Variants in FZD5 observed in about 807,000 individuals in gnomAD.
The protein encoded by FZD5 is frizzled class receptor 5.
Under a neutral mutation model 40.8 loss-of-function variants are expected in FZD5, and 12 were observed. That is an observed-to-expected ratio of 0.29 (90% confidence interval 0.19 to 0.48). FZD5 has a LOEUF of 0.48. Among genes scored for constraint, FZD5 ranks in the 20% least tolerant of loss-of-function variants. The pLI, the probability that FZD5 is intolerant of heterozygous loss-of-function variation, is 0.99. For synonymous variants in FZD5, 380 were observed against 383.7 expected (o/e 0.99, Z 0.11); for missense variants, 622 against 832.8 (o/e 0.75, Z 3.12).
At position 207,766,246 on chromosome 2, in the gene FZD5, A is replaced by C. The variant is rs1484035192; in HGVS notation, c.*736T>G. 1 of 152,160 alleles carries C rather than the reference A, an allele frequency of 6.6e-6. No homozygotes were observed. The highest frequency in any genetic ancestry group is 1.5e-5 in the Non-Finnish European group (1 of 68,028). The allele number at this position is 152,160 out of a possible 1,614,324, so 9.4% of individuals were successfully genotyped here. A position where few individuals can be genotyped will look rare whatever the true frequency, so the allele number is the denominator to read the frequency against. On this transcript the variant is annotated 3_prime_UTR_variant, in exon 2 of 2. Transcript: ENST00000295417. The stretch of plus-strand genomic sequence containing the variant: ...CCAGATCCTCTATAATGCTACCTCT[A>C]ACTTATTCAAGACACAACGATGGTG...
Position 207,766,783 on chromosome 2 carries a change from AG to A in FZD5, c.*198del. ...AAGAAGGCAGTAAGAAACGCAAAAT[AG>A]AATACACGTGAGCTGGGCCCCTTGG... On this transcript the variant is annotated 3_prime_UTR_variant, in exon 2 of 2. Transcript: ENST00000295417. 2.3e-6 allele frequency: 1 copy of A among 431,664 alleles called. No homozygotes were observed. Among genetic ancestry groups the A allele is most frequent in the East Asian group, 3.4e-5 (1 of 29,432 alleles). The allele number at this position is 431,664 out of a possible 1,614,324, so 26.7% of individuals were successfully genotyped here.
In FZD5 at chr2:207,766,952, T is replaced by A. The variant is rs973411336; in HGVS notation, c.*30A>T. The stretch of plus-strand genomic sequence containing the variant: ...AACAAAACGCCCCCCTCCCCTCAGC[T>A]CTCCGGCCGAGTCCCTCGGCGGCAG... On this transcript the variant is annotated 3_prime_UTR_variant, in exon 2 of 2. Coordinates refer to ENST00000295417, the MANE Select transcript of FZD5 (RefSeq NM_003468.4). 1 of 1,431,528 alleles carries A rather than the reference T, an allele frequency of 7.0e-7. No homozygotes were observed. Among genetic ancestry groups the A allele is most frequent in the Non-Finnish European group, 9.2e-7 (1 of 1,092,182 alleles). 88.7% of individuals were successfully genotyped at this position (1,431,528 alleles called of 1,614,324 possible).
rs763828248 is a variant in FZD5, at chr2:207,768,630, G to A, written c.110C>T (p.Thr37Met). The A allele has an allele frequency of 2.5e-6, 4 of 1,613,648 alleles. No individual in the cohort carries two copies. The South Asian group carries it at 3.3e-5, about 13-fold the overall frequency. ...GCCGATGCCGCGGCACATGGGCACC[G>A]TGATTTCCTGGCACACCGGGGCCTT... The part of the protein sequence containing the change: ...ASKAPVCQEI[T>M]VPMCRGIGYN... Residue 37 changes from threonine to methionine, a missense_variant, in exon 2 of 2, where the codon ACG becomes ATG. By Grantham distance (81) the Thr-to-Met change is moderately conservative. Coordinates refer to ENST00000295417, the MANE Select transcript of FZD5 (RefSeq NM_003468.4).
rs978603576 is a variant in FZD5 at position 207,763,631 on chromosome 2, G to A, written c.*3351C>T. On this transcript the variant is annotated 3_prime_UTR_variant, in exon 2 of 2. Transcript: ENST00000295417. ...CTACCCCCCTTGGGCTTTCTGTAGA[G>A]CACAAAAGTGAAAGAAGCTTCTTTG... is the stretch of plus-strand genomic sequence containing the variant. 5.2e-5 allele frequency: 8 copies of A among 152,750 alleles called. No homozygotes were observed. Among genetic ancestry groups the A allele is most frequent in the Non-Finnish European group, 2.9e-5 (2 of 68,128 alleles). 9.5% of individuals were successfully genotyped at this position (152,750 alleles called of 1,614,324 possible).
Position 207,767,301 on chromosome 2 carries a change from G to A in FZD5, c.1439C>T (p.Ala480Val). 1 of 1,611,088 alleles carries A rather than the reference G, an allele frequency of 6.2e-7. No individual in the cohort carries two copies. Among genetic ancestry groups the A allele is most frequent in the Non-Finnish European group, 8.5e-7 (1 of 1,179,290 alleles). ...YEQHYRESWE[A>V]ALTCACPGHD... ...GCCCGGGCAGGCGCAGGTGAGCGCC[G>A]CCTCCCAGCTCTCGCGGTAGTGCTG... The change falls in exon 2 of 2, where the codon GCG (alanine) becomes GTG (valine). Residue 480 changes from alanine to valine, a missense_variant. Ala to Val is a moderately conservative substitution (Grantham distance 64). Coordinates refer to ENST00000295417, the MANE Select transcript of FZD5 (RefSeq NM_003468.4).
In FZD5 at chr2:207,764,494, G is replaced by C. The variant is rs1424981938; in HGVS notation, c.*2488C>G. The C allele has an allele frequency of 1.3e-5, 2 of 152,184 alleles. No individual in the cohort carries two copies. The highest frequency in any genetic ancestry group is 2.4e-5 in the African/African-American group (1 of 41,434). The allele number at this position is 152,184 out of a possible 1,614,324, so 9.4% of individuals were successfully genotyped here. ...GATGAGGGAAGAGAGGGACAGCAGA[G>C]GTGAGAACAGAGACAAAGAAGTGCT... On this transcript the variant is annotated 3_prime_UTR_variant, in exon 2 of 2. Transcript: ENST00000295417.
rs1275928664 is a variant in FZD5 at position 207,768,066 on chromosome 2, G to T, written c.674C>A (p.Pro225Gln). The T allele has an allele frequency of 3.1e-6, 5 of 1,613,052 alleles. No homozygotes were observed. Among genetic ancestry groups the T allele is most frequent in the Non-Finnish European group, 8.5e-7 (1 of 1,179,620 alleles). The change falls in exon 2 of 2, where the codon CCG (proline) becomes CAG (glutamine). Residue 225 changes from proline (P) to glutamine (Q), a missense_variant. Pro to Gln is a moderately conservative substitution (Grantham distance 76). This residue lies in a region of FZD5 where 116 missense variants were observed against 117.7 expected (regional missense o/e 0.99). Coordinates refer to ENST00000295417, the MANE Select transcript of FZD5 (RefSeq NM_003468.4). ...CGTGCGCTCGTCGGCACTGAAGGACGGCTGGTAGCAGGGTACCGCGCAGTT... is the reference window on the plus strand; with the variant it reads ...CGTGCGCTCGTCGGCACTGAAGGACTGCTGGTAGCAGGGTACCGCGCAGTT... ...VPNCAVPCYQ[P>Q]SFSADERTFA... is the part of the protein sequence containing the mutation.
chr2:207,768,155 G>T lies in FZD5; in HGVS notation c.585C>A (p.Pro195=). Residue 195 remains proline (P), a synonymous_variant, in exon 2 of 2, where the codon CCC becomes CCA. Transcript: ENST00000295417. ...GTGACTCCTTCAGAATGGGCACGAA[G>T]GGCTCGCGACACTTGCACACGAACG... ...GGPFVCKCRE[P]FVPILKESHP... 1 of 1,609,432 alleles carries T rather than the reference G, an allele frequency of 6.2e-7. No individual in the cohort carries two copies. Among genetic ancestry groups the T allele is most frequent in the South Asian group, 1.1e-5 (1 of 90,942 alleles).
In FZD5 at chr2:207,768,912, G is replaced by A. The variant is rs960619267; in HGVS notation, c.-173C>T. ...CAAAGATAAACTGCTTCGGGAAGGCGCTGCCTCCGCTGGCAGCGCTCCGCT... is the reference window on the plus strand; with the variant it reads ...CAAAGATAAACTGCTTCGGGAAGGCACTGCCTCCGCTGGCAGCGCTCCGCT... On this transcript the variant is annotated 5_prime_UTR_variant, in exon 2 of 2. Transcript: ENST00000295417. The A allele has an allele frequency of 3.4e-5, 21 of 609,508 alleles. No individual in the cohort carries two copies. In the African/African-American group the frequency reaches 3.9e-4, roughly 11 times the overall value. 37.8% of individuals were successfully genotyped at this position (609,508 alleles called of 1,614,324 possible).
At position 207,767,360 on chromosome 2, in the gene FZD5, G is replaced by C. The variant is rs752911456; in HGVS notation, c.1380C>G (p.Pro460=). The C allele has an allele frequency of 1.2e-6, 2 of 1,612,368 alleles. No homozygotes were observed. Among genetic ancestry groups the C allele is most frequent in the Admixed American group, 3.3e-5 (2 of 60,006 alleles). Residue 460 remains proline, a synonymous_variant, in exon 2 of 2, where the codon CCC becomes CCG. Coordinates refer to ENST00000295417, the MANE Select transcript of FZD5 (RefSeq NM_003468.4). ...GGTAGCAGGCCACCACAATGCTGGCGGGGACCGTGTAGAGCAGCGTGAAGA... is the reference window on the plus strand; with the variant it reads ...GGTAGCAGGCCACCACAATGCTGGCCGGGACCGTGTAGAGCAGCGTGAAGA... ...IGIFTLLYTV[P]ASIVVACYLY...
chr2:207,764,535 G>T lies in FZD5; in HGVS notation c.*2447C>A, dbSNP rs1057350850. 4.6e-5 allele frequency: 7 copies of T among 152,176 alleles called. No individual in the cohort carries two copies. The highest frequency in any genetic ancestry group is 1.7e-4 in the African/African-American group (7 of 41,438). The allele number at this position is 152,176 out of a possible 1,614,324, so 9.4% of individuals were successfully genotyped here. ...AAGAAGTGCTTCTGAAAGTTGGTCT[G>T]GAATTAGACCCCAAAGATCCTGACT... is the stretch of plus-strand genomic sequence containing the variant. On this transcript the variant is annotated 3_prime_UTR_variant, in exon 2 of 2. Coordinates refer to ENST00000295417, the MANE Select transcript of FZD5 (RefSeq NM_003468.4).
rs895574798 is a variant in FZD5, at chr2:207,763,693, T to C, written c.*3289A>G. On this transcript the variant is annotated 3_prime_UTR_variant, in exon 2 of 2. Transcript: ENST00000295417. ...AGTTCATTAAAATATACAACTACATTTCCTAGCTCTGGGGTTCCCATTCTG... is the reference window on the plus strand; with the variant it reads ...AGTTCATTAAAATATACAACTACATCTCCTAGCTCTGGGGTTCCCATTCTG... 2.6e-5 allele frequency: 4 copies of C among 152,670 alleles called. No individual in the cohort carries two copies. The highest frequency in any genetic ancestry group is 9.7e-5 in the African/African-American group (4 of 41,448). 9.5% of individuals were successfully genotyped at this position (152,670 alleles called of 1,614,324 possible). A position where few individuals can be genotyped will look rare whatever the true frequency, so the allele number is the denominator to read the frequency against.
Position 207,768,790 on chromosome 2 carries a change from C to G in FZD5, c.-51G>C. 1 of 1,386,038 alleles carries G rather than the reference C, an allele frequency of 7.2e-7. No individual in the cohort carries two copies. The highest frequency in any genetic ancestry group is 9.7e-7 in the Non-Finnish European group (1 of 1,034,774). The allele number at this position is 1,386,038 out of a possible 1,614,324, so 85.9% of individuals were successfully genotyped here. On this transcript the variant is annotated 5_prime_UTR_variant, in exon 2 of 2. Transcript: ENST00000295417. ...GCAGCCCGCGAGGGACGCACACAGG[C>G]AGAGGAATCCGGGCCGGGGCTTCTC...
rs2091969491 is a variant in FZD5, at chr2:207,764,403, CT to C, written c.*2578del. ...TGTAAGTAGATCCAGTTTCTCTCCC[CT>C]GGGGTGGCTGATCTCAGTAAGACTT... is the stretch of plus-strand genomic sequence containing the variant. On this transcript the variant is annotated 3_prime_UTR_variant, in exon 2 of 2. Transcript: ENST00000295417. 6.6e-6 allele frequency: 1 copy of C among 152,188 alleles called. No individual in the cohort carries two copies. The highest frequency in any genetic ancestry group is 2.4e-5 in the African/African-American group (1 of 41,424). The allele number at this position is 152,188 out of a possible 1,614,324, so 9.4% of individuals were successfully genotyped here.
Position 207,768,312 on chromosome 2 carries a change from G to A in FZD5, c.428C>T (p.Ala143Val), listed in dbSNP as rs2091992176. The A allele has an allele frequency of 1.9e-6, 3 of 1,542,470 alleles. No individual in the cohort carries two copies. In the Admixed American group the frequency reaches 5.9e-5, roughly 31 times the overall value. ...CDRLPVLGRD[A>V]EVLCMDYNRS... ...GTTGTAATCCATGCAGAGGACCTCG[G>A]CGTCGCGGCCCAGCACCGGGAGGCG... Residue 143 changes from alanine (A) to valine (V), a missense_variant, in exon 2 of 2, where the codon GCC becomes GTC. Physicochemically the swap from Ala to Val is moderately conservative, Grantham distance 64 (BLOSUM62 0). Coordinates refer to ENST00000295417, the MANE Select transcript of FZD5 (RefSeq NM_003468.4).
Position 207,768,506 on chromosome 2 carries a change from G to A in FZD5, c.234C>T (p.Cys78=), listed in dbSNP as rs1457229833. Residue 78 remains cysteine (C), a synonymous_variant, in exon 2 of 2, where the codon TGC becomes TGT. Transcript: ENST00000295417. ...ATAGGAAGAAGCGCAGGTCCGGCGA[G>A]CATTGGATCTCCACCAGCGGCCAGA... is the stretch of plus-strand genomic sequence containing the variant. ...HQFWPLVEIQ[C]SPDLRFFLCS... The A allele has an allele frequency of 8.7e-6, 14 of 1,613,882 alleles. No homozygotes were observed. Among genetic ancestry groups the A allele is most frequent in the African/African-American group, 1.3e-5 (1 of 74,926 alleles).
chr2:207,767,183 G>A lies in FZD5; in HGVS notation c.1557C>T (p.Val519=). The A allele has an allele frequency of 6.3e-7, 1 of 1,599,240 alleles. No homozygotes were observed. Among genetic ancestry groups the A allele is most frequent in the Non-Finnish European group, 8.5e-7 (1 of 1,173,774 alleles). ...MCLVVGITSG[V]WIWSGKTVES... ...CCACCGTCTTGCCCGACCAGATCCA[G>A]ACGCCCGACGTGATGCCCACCACCA... is the stretch of plus-strand genomic sequence containing the variant. Residue 519 remains valine, a synonymous_variant, in exon 2 of 2, where the codon GTC becomes GTT. Coordinates refer to ENST00000295417, the MANE Select transcript of FZD5 (RefSeq NM_003468.4).
chr2:207,768,246 G>A lies in FZD5; in HGVS notation c.494C>T (p.Ala165Val). 1.9e-6 allele frequency: 3 copies of A among 1,553,824 alleles called. No homozygotes were observed. The highest frequency in any genetic ancestry group is 2.6e-6 in the Non-Finnish European group (3 of 1,155,346). ...TGGCGGGCCTGGAAGGGTGGGCTTGGCTGGGAAAGGCCTGGGGGGCGCCGT... is the reference window on the plus strand; with the variant it reads ...TGGCGGGCCTGGAAGGGTGGGCTTGACTGGGAAAGGCCTGGGGGGCGCCGT... ...ATTAPPRPFP[A>V]KPTLPGPPGA... Residue 165 changes from alanine to valine, a missense_variant, in exon 2 of 2, where the codon GCC becomes GTC. Physicochemically the swap from Ala to Val is moderately conservative, Grantham distance 64. This residue lies in a region of FZD5 where 116 missense variants were observed against 117.7 expected (regional missense o/e 0.99). Transcript: ENST00000295417.
rs1286980477 is a variant in FZD5, at chr2:207,765,073, T to A, written c.*1909A>T. On this transcript the variant is annotated 3_prime_UTR_variant, in exon 2 of 2. Transcript: ENST00000295417. ...AGTGCATTTTAATAAATGTGAAGTT[T>A]TTGAGAGTCCTTACAACTTTAATAC... is the stretch of plus-strand genomic sequence containing the variant. 3.3e-5 allele frequency: 5 copies of A among 152,232 alleles called. No individual in the cohort carries two copies. The highest frequency in any genetic ancestry group is 1.2e-4 in the African/African-American group (5 of 41,464). 9.4% of individuals were successfully genotyped at this position (152,232 alleles called of 1,614,324 possible).
Sources: gnomAD v4.1 joint callset for allele counts on GRCh38, gnomAD v4.1.1 for gene constraint, gnomAD v4.1.1 regional missense constraint, MANE v1.5 for transcripts, NCBI Gene and HGNC (gene_info 2026-07-23, HGNC 2026-07-21) for gene names.